Variants in LCP2 observed in about 807,000 individuals in gnomAD.
LCP2 encodes 76 kDa tyrosine phosphoprotein.
LCP2 carries 29 observed loss-of-function variants against 74.5 expected under a neutral mutation model. The observed-to-expected ratio is 0.39, with a 90% CI of 0.29 to 0.53. LCP2 has a LOEUF of 0.53. Among genes scored for constraint, LCP2 ranks in the 20% least tolerant of loss-of-function variants. LCP2 has a pLI of 0.72. For synonymous variants in LCP2, 228 were observed against 229.5 expected (o/e 0.99, Z 0.06); for missense variants, 604 against 634.6 (o/e 0.95, Z 0.52).
chr5:170,289,647 T>TTCTCTCTCTCTCTCTCTCTC (rs1762246889), intron 2 of LCP2, among the ~76,000 whole-genome samples: 37 of 108,936 alleles, frequency 3.4e-4, no homozygotes, highest in African/African-American at 1.4e-3. Flanking sequence ...CTTTCTTTCT[T>TTCTCTCTCTCTCTCTCTCTC]TCTTTCTTTC....
At chr5:170,279,519 T>C (rs1762065803) in intron 3 of LCP2, among the ~76,000 whole-genome samples, 1 of 152,166 alleles carries the variant, frequency 6.6e-6, no homozygotes. Context: ...ATGGGCCTGA[T>C]CATCATGATT....
chr5:170,246,262 T>G lies in LCP2; in HGVS notation c.*2435A>C, dbSNP rs1427658058. 1.2e-5 allele frequency: 8 copies of G among 664,472 alleles called. No individual in the cohort carries two copies. In the East Asian group the frequency reaches 2.3e-4, roughly 19 times the overall value. The allele number at this position is 664,472 out of a possible 1,614,324, so 41.2% of individuals were successfully genotyped here. A position where few individuals can be genotyped will look rare whatever the true frequency, so the allele number is the denominator to read the frequency against. ...TGTTCTTGAAGGCTGTTTAATGTTT[T>G]GAAGAATGGCTTAACTTACGTCACT... On this transcript the variant is annotated 3_prime_UTR_variant, in exon 21 of 21. Transcript: ENST00000046794.
chr5:170,254,950 G>C (rs754649196), intron 17 of LCP2, among the ~76,000 whole-genome samples: 1 of 152,152 alleles, frequency 6.6e-6, no homozygotes, highest in Non-Finnish European at 1.5e-5. Flanking sequence ...CAGTCTTAGG[G>C]GAAAAGAGAT....
At chr5:170,295,110 C>T (rs937658599) in intron 1 of LCP2, among the ~76,000 whole-genome samples, 1 of 152,056 alleles carries the variant, frequency 6.6e-6, no homozygotes, top group Non-Finnish European at 1.5e-5. Context: ...TGGGACCCCA[C>T]CTGGGATTAG....
At chr5:170,294,287 T>C (rs73321981) in intron 1 of LCP2, among the ~76,000 whole-genome samples, 2,637 of 152,306 alleles carry the variant, frequency 0.017, 86 homozygotes, top group African/African-American at 0.059. Flanking sequence ...TTTTGCGAAC[T>C]TTTTTCTCCC....
At position 170,248,631 on chromosome 5, in the gene LCP2, A is replaced by G; in HGVS notation, c.*66T>C. On this transcript the variant is annotated 3_prime_UTR_variant, in exon 21 of 21. Coordinates refer to ENST00000046794, the MANE Select transcript of LCP2 (RefSeq NM_005565.5). ...AGTCCTAAGTGTTTGTCCATTGACC[A>G]AGGCTGATTGATCTCGTGTTGGCAA... 6.3e-7 allele frequency: 1 copy of G among 1,589,262 alleles called. No homozygotes were observed. The highest frequency in any genetic ancestry group is 8.6e-7 in the Non-Finnish European group (1 of 1,162,112).
At chr5:170,289,663 TTCTTTCTTTCTC>T (rs1307568260) in intron 2 of LCP2, among the ~76,000 whole-genome samples, 15 of 107,328 alleles carry the variant, frequency 1.4e-4, no homozygotes, top group African/African-American at 5.8e-4. Flanking sequence ...CTTTCTTTCT[TTCTTTCTTTCTC>T]TCTCTCTCTC....
intron 6 of LCP2, 59 bp from the exon 7 acceptor site, chr5:170,270,976 C>G: frequency 7.0e-7 from 1 of 1,424,762 alleles, no homozygotes; most frequent in Non-Finnish European, 9.6e-7. Flanking sequence ...CCTCGATGTG[C>G]CTGTGCCTAC....
intron 17 of LCP2, among the ~76,000 whole-genome samples, chr5:170,255,391 G>A (rs1325021094): frequency 6.6e-6 from 1 of 152,136 alleles, no homozygotes; most frequent in African/African-American, 2.4e-5. Context: ...GTTTTCTACT[G>A]AACACACACT....
chr5:170,264,978 CT>C (rs58508083), intron 10 of LCP2, among the ~76,000 whole-genome samples: 1,653 of 108,612 alleles, frequency 0.015, 2 homozygotes, highest in African/African-American at 0.022. Context: ...CAAAATTTGC[CT>C]TTTTTTTTTT....
intron 1 of LCP2, among the ~76,000 whole-genome samples, chr5:170,296,340 C>A (rs1206520877): frequency 1.3e-5 from 2 of 152,166 alleles, no homozygotes; most frequent in African/African-American, 4.8e-5. Flanking sequence ...CCCTACCATA[C>A]CACACCTAGT....
intron 2 of LCP2, among the ~76,000 whole-genome samples, chr5:170,292,328 G>C (rs1488093362): frequency 1.3e-5 from 2 of 152,196 alleles, no homozygotes; most frequent in African/African-American, 2.4e-5. Flanking sequence ...AGACTTGAGA[G>C]CTGCCTAGAA....
At chr5:170,249,362 G>GTATATATATATATATATATA (rs72371153) in intron 20 of LCP2, among the ~76,000 whole-genome samples, 2 of 108,134 alleles carry the variant, frequency 1.8e-5, no homozygotes, top group African/African-American at 6.2e-5. Context: ...GCATGCGTGT[G>GTATATATATATATATATATA]TATATATATA....
intron 1 of LCP2, among the ~76,000 whole-genome samples, chr5:170,295,853 C>T (rs1198897544): frequency 1.3e-5 from 2 of 152,130 alleles, no homozygotes; most frequent in Non-Finnish European, 2.9e-5. Context: ...TGCCTGGGTG[C>T]TGTAGATTTG....
At chr5:170,290,891 T>C in intron 2 of LCP2, among the ~76,000 whole-genome samples, 1 of 145,162 alleles carries the variant, frequency 6.9e-6, no homozygotes, top group African/African-American at 2.6e-5. Context: ...ACCTTTTCAG[T>C]GGAAAACAAA....
At chr5:170,289,940 C>T (rs1258994255) in intron 2 of LCP2, among the ~76,000 whole-genome samples, 3 of 151,664 alleles carry the variant, frequency 2.0e-5, no homozygotes, top group East Asian at 1.9e-4. Flanking sequence ...GAGACGAGGG[C>T]GTAAGCTGAG....
intron 8 of LCP2, among the ~76,000 whole-genome samples, chr5:170,268,103 C>T (rs1761802858): frequency 6.6e-6 from 1 of 152,104 alleles, no homozygotes. Context: ...CAGGCAACAC[C>T]AGTAGGTGCC....
At chr5:170,261,169 G>A in intron 13 of LCP2, 32 bp from the exon 14 acceptor site, 1 of 1,546,466 alleles carries the variant, frequency 6.5e-7, no homozygotes, top group Admixed American at 1.7e-5. Context: ...AAAAAGAACT[G>A]AGCATGAAGA....
At position 170,274,330 on chromosome 5, in the gene LCP2, C is replaced by G. The variant is rs928003141; in HGVS notation, c.295G>C (p.Glu99Gln). The change falls in exon 6 of 21, where the codon GAA becomes CAA. Residue 99 changes from glutamate (E) to glutamine (Q), a missense_variant. Transcript: ENST00000046794. ...GACGACCAGCCCCCATTGTCCTCTT[C>G]GTGGCTTTCTGTGGAAGGAGATGAC... ...PRFPEETESH[E>Q]EDNGGWSSFE... 5 of 1,613,188 alleles carry G rather than the reference C, an allele frequency of 3.1e-6. No homozygotes were observed. Among genetic ancestry groups the G allele is most frequent in the Admixed American group, 1.7e-5 (1 of 59,900 alleles).
Sources: allele counts gnomAD v4.1 joint callset (sites outside exome capture counted in the v4.1 genomes callset), GRCh38; gene constraint gnomAD v4.1.1; transcripts MANE v1.5; gene names NCBI Gene and HGNC (gene_info 2026-07-23, HGNC 2026-07-21).